The following SPATA6L variants were observed in gnomAD, a reference collection of about 807,000 sequenced individuals.
The protein encoded by SPATA6L is spermatogenesis associated 6 like.
SPATA6L carries 68 observed loss-of-function variants against 49.2 expected under a neutral mutation model. The observed-to-expected ratio is 1.38, with a 90% CI of 1.14 to 1.69. The LOEUF (loss-of-function observed/expected upper bound fraction) is 1.69, where lower values mean the gene tolerates loss of function less well. Ranked by LOEUF, SPATA6L falls within the 40% of genes most tolerant of loss-of-function variation. SPATA6L has a pLI of 0.00. For synonymous variants in SPATA6L, 198 were observed against 165.7 expected, an observed-to-expected ratio of 1.19 and a Z score of -1.50; for missense variants, 668 against 464.3, an observed-to-expected ratio of 1.44 and a Z score of -4.03.
intron 3 of SPATA6L, among the ~76,000 whole-genome samples, chr9:4,637,702 G>C (rs1833084028): frequency 6.6e-6 from 1 of 150,738 alleles, no homozygotes; most frequent in Non-Finnish European, 1.5e-5. Context: ...GTGAAGTGCA[G>C]CATCCTGGAT....
At chr9:4,620,696 T>C (rs764471421) in intron 7 of SPATA6L, among the ~76,000 whole-genome samples, 1 of 152,160 alleles carries the variant, frequency 6.6e-6, no homozygotes, top group Non-Finnish European at 1.5e-5. Context: ...TGTGTGACCT[T>C]TACACACATT....
At chr9:4,616,562 C>G (rs550044503) in intron 9 of SPATA6L, among the ~76,000 whole-genome samples, 26 of 152,308 alleles carry the variant, frequency 1.7e-4, no homozygotes, top group African/African-American at 4.8e-4. Flanking sequence ...GACCACTTGT[C>G]TCTGTGTGCC....
intron 9 of SPATA6L, among the ~76,000 whole-genome samples, chr9:4,611,602 A>C (rs1373896460): frequency 7.4e-6 from 1 of 134,740 alleles, no homozygotes; most frequent in Non-Finnish European, 1.5e-5. Context: ...GAACAATGAG[A>C]TCACATGGAC....
intron 11 of SPATA6L, 55 bp downstream of exon 11, chr9:4,604,124 T>C: frequency 4.9e-6 from 6 of 1,225,296 alleles, no homozygotes; most frequent in Non-Finnish European, 7.0e-6. Flanking sequence ...GAAATTCTTT[T>C]AGCAAACCAA....
At chr9:4,628,958 C>A in intron 5 of SPATA6L, 133 bp downstream of exon 5, 1 of 645,412 alleles carries the variant, frequency 1.5e-6, no homozygotes, top group South Asian at 1.8e-5. Flanking sequence ...AAATACAAAC[C>A]TAGTAAAAAC....
intron 3 of SPATA6L, among the ~76,000 whole-genome samples, chr9:4,647,408 A>G (rs764026663): frequency 1.3e-5 from 2 of 152,126 alleles, no homozygotes; most frequent in African/African-American, 4.8e-5. Flanking sequence ...CCTGGCCAAC[A>G]TAGTGAAACC....
intron 7 of SPATA6L, among the ~76,000 whole-genome samples, chr9:4,619,160 T>TG (rs1483284997): frequency 4.1e-5 from 6 of 146,160 alleles, no homozygotes; most frequent in Non-Finnish European, 9.1e-5. Flanking sequence ...TTTCTCTTTT[T>TG]TTTTTTTTTT....
rs149466909 is a variant in SPATA6L at position 4,639,428 on chromosome 9, C to T, written c.227-4029G>A. On this transcript the variant is annotated intron_variant, in intron 3 of 11. Coordinates refer to ENST00000682582, the MANE Select transcript of SPATA6L (RefSeq NM_001353486.2). ...TGGAAAATTGAAAGGGAGCTCATAC[C>T]CTATCTTCAGAATCACAGGAATAAA... Among the ~76,000 whole-genome samples the T allele has an allele frequency of 5.2e-3, 797 of 152,160 alleles. 4 individuals carry two copies. Among genetic ancestry groups the T allele is most frequent in the African/African-American group, 0.017 (718 of 41,502 alleles).
chr9:4,659,260 T>G (rs566874212), intron 2 of SPATA6L, among the ~76,000 whole-genome samples: 139 of 152,310 alleles, frequency 9.1e-4, no homozygotes, highest in African/African-American at 3.2e-3. Flanking sequence ...ACTGTCAACC[T>G]CAGGTTGAAA....
chr9:4,660,873 C>G (rs879543391), intron 2 of SPATA6L, among the ~76,000 whole-genome samples: 1 of 152,172 alleles, frequency 6.6e-6, no homozygotes, highest in Non-Finnish European at 1.5e-5. Context: ...GAGTTCGTGT[C>G]CTTTGTAGGG....
intron 9 of SPATA6L, among the ~76,000 whole-genome samples, chr9:4,607,714 G>C (rs923823500): frequency 1.3e-5 from 2 of 152,266 alleles, no homozygotes; most frequent in Non-Finnish European, 2.9e-5. Flanking sequence ...AGACCGTCGA[G>C]ACTAGGAAGA....
At chr9:4,643,383 GC>G (rs1411107012) in intron 3 of SPATA6L, among the ~76,000 whole-genome samples, 6 of 152,190 alleles carry the variant, frequency 3.9e-5, no homozygotes, top group Admixed American at 3.9e-4. Flanking sequence ...ACTCCTGGAT[GC>G]AGTAGAAGTA....
rs978830260 is a variant in SPATA6L, at chr9:4,622,636, A to C, written c.670-126T>G. On this transcript the variant is annotated intron_variant, in intron 6 of 11. Transcript: ENST00000682582. ...CGGGTTGGAAAAAGAAGGCTGGAAA[A>C]CCACCTAGAGCACAGTCTGCAAGTT... The C allele has an allele frequency of 1.6e-5, 10 of 640,156 alleles. 2 individuals are homozygous for C. The South Asian group carries it at 2.1e-4, about 13-fold the overall frequency. The allele number at this position is 640,156 out of a possible 1,614,324, so 39.7% of individuals were successfully genotyped here. A position where few individuals can be genotyped will look rare whatever the true frequency, so the allele number is the denominator to read the frequency against.
intron 3 of SPATA6L, among the ~76,000 whole-genome samples, chr9:4,649,400 G>T (rs965171947): frequency 2.0e-5 from 3 of 152,006 alleles, no homozygotes; most frequent in Non-Finnish European, 4.4e-5. Context: ...ACTATTTTTT[G>T]ATTTTTTGAT....
At chr9:4,660,378 AAC>A (rs1196025388) in intron 2 of SPATA6L, among the ~76,000 whole-genome samples, 5 of 152,266 alleles carry the variant, frequency 3.3e-5, no homozygotes, top group Non-Finnish European at 5.9e-5. Flanking sequence ...GAAGGACATG[AAC>A]AGACACTTCT....
chr9:4,630,722 G>T (rs554940361), intron 4 of SPATA6L, among the ~76,000 whole-genome samples: 1 of 152,190 alleles, frequency 6.6e-6, no homozygotes, highest in African/African-American at 2.4e-5. Flanking sequence ...CAAGAGAAAA[G>T]AAGCCAACAC....
At chr9:4,605,529 CTT>C (rs1824570718) in intron 9 of SPATA6L, 89 bp from the exon 10 acceptor site, 3 of 850,158 alleles carry the variant, frequency 3.5e-6, no homozygotes, top group African/African-American at 3.4e-5. Flanking sequence ...ATATTTAAAA[CTT>C]AATTATAATA....
At position 4,622,443 on chromosome 9, in the gene SPATA6L, G is replaced by A; in HGVS notation, c.737C>T (p.Ser246Phe). ...EHHLRRSRRK[S>F]KFSDFPFPTR... The stretch of plus-strand genomic sequence containing the variant: ...TGGAAACGGAAAGTCTGAAAACTTA[G>A]ATTTTCTTCTAGACCTCCTCAAATG... The change falls in exon 7 of 12, where the codon TCT (serine) becomes TTT (phenylalanine). Residue 246 changes from serine to phenylalanine, a missense_variant. Coordinates refer to ENST00000682582, the MANE Select transcript of SPATA6L (RefSeq NM_001353486.2). 6.2e-7 allele frequency: 1 copy of A among 1,613,876 alleles called. No homozygotes were observed. The highest frequency in any genetic ancestry group is 8.5e-7 in the Non-Finnish European group (1 of 1,179,866).
Position 4,616,268 on chromosome 9 carries a change from C to T in SPATA6L, c.995+1655G>A, listed in dbSNP as rs182743798. Among the ~76,000 whole-genome samples the T allele has an allele frequency of 2.0e-5, 3 of 152,046 alleles. No homozygotes were observed. In the East Asian group the frequency reaches 5.8e-4, roughly 29 times the overall value. On this transcript the variant is annotated intron_variant, in intron 9 of 11. Transcript: ENST00000682582. ...CTCCAGCCTGGGTGACAAAGCAAGA[C>T]CCCATCTCGAAAAAAAATAATAATA...
Sources: gnomAD v4.1 joint callset for allele counts (sites outside exome capture counted in the v4.1 genomes callset) on GRCh38, gnomAD v4.1.1 for gene constraint, MANE v1.5 for transcripts, NCBI Gene and HGNC (gene_info 2026-07-23, HGNC 2026-07-21) for gene names.